Variants in DDHD1 observed in about 807,000 individuals in gnomAD.
The protein encoded by DDHD1 is DDHD domain containing 1.
Under a neutral mutation model 96.4 loss-of-function variants are expected in DDHD1, and 49 were observed. The observed-to-expected ratio is 0.51, with a 90% confidence interval of 0.40 to 0.64. The LOEUF is 0.64. DDHD1 is among the 30% of genes least tolerant of loss of function. The pLI is 0.00. For missense variants in DDHD1, 1,106 were observed against 1,161.2 expected (o/e 0.95, Z 0.69); for synonymous variants, 442 against 446.5 (o/e 0.99, Z 0.13).
intron 1 of DDHD1, among the ~76,000 whole-genome samples, chr14:53,118,745 A>T (rs1888745928): frequency 6.6e-6 from 1 of 152,196 alleles, no homozygotes; most frequent in Non-Finnish European, 1.5e-5. Context: ...TCTTCAGGAT[A>T]TTATCCAGGA....
intron 2 of DDHD1, among the ~76,000 whole-genome samples, chr14:53,096,482 T>C (rs1240230464): frequency 6.6e-6 from 1 of 152,066 alleles, no homozygotes; most frequent in African/African-American, 2.4e-5. Flanking sequence ...TGTCTTTGCA[T>C]AGAAAGAATT....
intron 1 of DDHD1, among the ~76,000 whole-genome samples, chr14:53,108,571 A>G (rs557442819): frequency 6.6e-6 from 1 of 152,296 alleles, no homozygotes; most frequent in African/African-American, 2.4e-5. Context: ...CCAAAACCAA[A>G]AAACAAAAAC....
rs543326661 is a variant in DDHD1 at position 53,036,877 on chromosome 14, C to G, written c.*9891G>C. On this transcript the variant is annotated 3_prime_UTR_variant, in exon 13 of 13. Coordinates refer to ENST00000673822, the MANE Select transcript of DDHD1 (RefSeq NM_001160148.2). ...GAGGTTTGAGGTACAGATCCCATCA[C>G]CCAGGTAGTGAGCATAGTACCCAAT... 6.6e-6 allele frequency: 1 copy of G among 152,108 alleles called. No homozygotes were observed. Among genetic ancestry groups the G allele is most frequent in the Non-Finnish European group, 1.5e-5 (1 of 68,036 alleles). The allele number at this position is 152,108 out of a possible 1,614,324, so 9.4% of individuals were successfully genotyped here.
chr14:53,042,336 G>T lies in DDHD1; in HGVS notation c.*4432C>A, dbSNP rs1321190392. ...TGCAGAATATTATTGAGAAAAGAAT[G>T]GTCTCTATGCCCCTTCCAGCTTTAA... On this transcript the variant is annotated 3_prime_UTR_variant, in exon 13 of 13. Coordinates refer to ENST00000673822, the MANE Select transcript of DDHD1 (RefSeq NM_001160148.2). 6.6e-6 allele frequency: 1 copy of T among 151,970 alleles called. No individual in the cohort carries two copies. Among genetic ancestry groups the T allele is most frequent in the East Asian group, 1.9e-4 (1 of 5,186 alleles). The allele number at this position is 151,970 out of a possible 1,614,324, so 9.4% of individuals were successfully genotyped here. A position where few individuals can be genotyped will look rare whatever the true frequency, so the allele number is the denominator to read the frequency against.
intron 1 of DDHD1, among the ~76,000 whole-genome samples, chr14:53,134,607 A>AG (rs1021829921): frequency 1.3e-5 from 2 of 151,938 alleles, no homozygotes; most frequent in African/African-American, 2.4e-5. Flanking sequence ...TAAAAAAAAA[A>AG]AAAAAAGAGC....
intron 1 of DDHD1, among the ~76,000 whole-genome samples, chr14:53,122,006 C>G (rs924424266): frequency 6.6e-6 from 1 of 151,698 alleles, no homozygotes; most frequent in Admixed American, 6.6e-5. Context: ...CTTGTGTGCT[C>G]TACAATAATG....
chr14:53,117,736 A>G (rs1888657650), intron 1 of DDHD1, among the ~76,000 whole-genome samples: 1 of 152,238 alleles, frequency 6.6e-6, no homozygotes, highest in African/African-American at 2.4e-5. Flanking sequence ...GCACAGCTGA[A>G]CAAAAGGCAG....
Position 53,055,808 on chromosome 14 carries a change from C to T in DDHD1, c.2097G>A (p.Lys699=). 3 of 1,613,948 alleles carry T rather than the reference C, an allele frequency of 1.9e-6. No individual in the cohort carries two copies. Among genetic ancestry groups the T allele is most frequent in the Non-Finnish European group, 2.5e-6 (3 of 1,179,976 alleles). Reference sequence around the variant, plus strand: ...CTTTAGCTGGGTTGAGAAAGCTTGGCTTCATATGTTCATAAGGTAAAGGAT... The same window carrying T: ...CTTTAGCTGGGTTGAGAAAGCTTGGTTTCATATGTTCATAAGGTAAAGGAT... ...TSNPLPYEHM[K]PSFLNPAKEP... Residue 699 remains lysine (K), a synonymous_variant, in exon 10 of 13, where the codon AAG becomes AAA. Transcript: ENST00000673822.
Position 53,044,848 on chromosome 14 carries a change from C to T in DDHD1, c.*1920G>A, listed in dbSNP as rs1207840085. ...ACAAGTAAGCCACAGATTCTACTAT[C>T]TTATGAAGAAAGGAGGAGGTGAGAG... On this transcript the variant is annotated 3_prime_UTR_variant, in exon 13 of 13. Transcript: ENST00000673822. The T allele has an allele frequency of 1.3e-5, 2 of 152,130 alleles. No homozygotes were observed. The highest frequency in any genetic ancestry group is 2.1e-4 in the South Asian group (1 of 4,824). 9.4% of individuals were successfully genotyped at this position (152,130 alleles called of 1,614,324 possible).
chr14:53,153,053 C>A lies in DDHD1; in HGVS notation c.46G>T (p.Gly16Cys). ...RGSPRSPEHN[G>C]RGGGGGAWEL... ...CAGGCGCCGCCGCCGCCGCCTCGGC[C>A]GTTATGCTCGGGGCTCCGTGGGGAC... Residue 16 changes from glycine (G) to cysteine (C), a missense_variant, in exon 1 of 13, where the codon GGC becomes TGC. Gly to Cys is a radical substitution (Grantham distance 159, BLOSUM62 -3). This residue lies in a region of DDHD1 where 456 missense variants were observed against 402.4 expected (regional missense o/e 1.13). Transcript: ENST00000673822. 1 of 1,490,720 alleles carries A rather than the reference C, an allele frequency of 6.7e-7. No homozygotes were observed. The highest frequency in any genetic ancestry group is 8.9e-7 in the Non-Finnish European group (1 of 1,127,538). 92.3% of individuals were successfully genotyped at this position (1,490,720 alleles called of 1,614,324 possible). A position where few individuals can be genotyped will look rare whatever the true frequency, so the allele number is the denominator to read the frequency against.
intron 1 of DDHD1, among the ~76,000 whole-genome samples, chr14:53,122,883 A>G (rs886134035): frequency 6.6e-6 from 1 of 151,752 alleles, no homozygotes; most frequent in African/African-American, 2.4e-5. Flanking sequence ...TCTTTATGTT[A>G]TACTCTCTCT....
At chr14:53,128,328 A>G (rs1309135651) in intron 1 of DDHD1, among the ~76,000 whole-genome samples, 2 of 152,192 alleles carry the variant, frequency 1.3e-5, no homozygotes, top group Non-Finnish European at 2.9e-5. Flanking sequence ...GGTAGCTTTT[A>G]ACAATGGAAA....
Position 53,152,942 on chromosome 14 carries a change from C to G in DDHD1, c.157G>C (p.Asp53His). The change falls in exon 1 of 13, where the codon GAC becomes CAC. Residue 53 changes from aspartate (D) to histidine (H), a missense_variant. Coordinates refer to ENST00000673822, the MANE Select transcript of DDHD1 (RefSeq NM_001160148.2). ...HLPGGDPDDGDVPLALLRGEP... is the reference protein window; with the variant it reads ...HLPGGDPDDGHVPLALLRGEP... ...CCGCGCAGCAGGGCCAGGGGCACGT[C>G]GCCGTCGTCCGGGTCCCCGCCGGGC... The G allele has an allele frequency of 6.3e-7, 1 of 1,595,534 alleles. No individual in the cohort carries two copies. Among genetic ancestry groups the G allele is most frequent in the Non-Finnish European group, 8.5e-7 (1 of 1,173,598 alleles).
chr14:53,131,282 C>T (rs1375893928), intron 1 of DDHD1, among the ~76,000 whole-genome samples: 2 of 152,130 alleles, frequency 1.3e-5, no homozygotes, highest in Non-Finnish European at 2.9e-5. Context: ...CACCTTAACC[C>T]ACAAGTGATA....
At chr14:53,146,646 A>AT (rs1242291921) in intron 1 of DDHD1, among the ~76,000 whole-genome samples, 1 of 152,142 alleles carries the variant, frequency 6.6e-6, no homozygotes, top group Non-Finnish European at 1.5e-5. Flanking sequence ...GCAAGTTCCA[A>AT]TTTTTTACCA....
chr14:53,148,934 G>A (rs1891174020), intron 1 of DDHD1, among the ~76,000 whole-genome samples: 1 of 152,188 alleles, frequency 6.6e-6, no homozygotes, highest in Non-Finnish European at 1.5e-5. Flanking sequence ...ACAAGTCTAT[G>A]AAGTGAGTAC....
rs1885049314 is a variant in DDHD1 at position 53,077,243 on chromosome 14, GTGA to G, written c.1290-3399_1290-3397del. Among the ~76,000 whole-genome samples, 3 of 152,304 alleles carry G rather than the reference GTGA, an allele frequency of 2.0e-5. No individual in the cohort carries two copies. In the South Asian group the frequency reaches 6.2e-4, roughly 32 times the overall value. ...GTACACACAACTTCTTCTCTTTTTA[GTGA>G]TGATAGCAGTTACTGATGATCATTG... On this transcript the variant is annotated intron_variant, in intron 4 of 12. Transcript: ENST00000673822.
chr14:53,115,978 C>T (rs1888513508), intron 1 of DDHD1, among the ~76,000 whole-genome samples: 1 of 152,134 alleles, frequency 6.6e-6, no homozygotes. Flanking sequence ...ATTCAAGAGA[C>T]CCATCTCATG....
chr14:53,141,465 T>C (rs1274341741), intron 1 of DDHD1, among the ~76,000 whole-genome samples: 1 of 152,240 alleles, frequency 6.6e-6, no homozygotes, highest in Non-Finnish European at 1.5e-5. Context: ...TGTCTGGACC[T>C]AGCTCAGATC....
Sources: gnomAD v4.1 joint callset for allele counts (sites outside exome capture counted in the v4.1 genomes callset) on GRCh38, gnomAD v4.1.1 for gene constraint, gnomAD v4.1.1 regional missense constraint, MANE v1.5 for transcripts, NCBI Gene and HGNC (gene_info 2026-07-23, HGNC 2026-07-21) for gene names.